The following XKR4 variants were observed in gnomAD, a reference collection of about 807,000 sequenced individuals.
XKR4 encodes the protein XK-related protein 4.
A neutral mutation model predicts 53.9 loss-of-function variants in XKR4; 12 were observed. That is an observed-to-expected ratio of 0.22 (90% confidence interval 0.14 to 0.36). The LOEUF (loss-of-function observed/expected upper bound fraction) is 0.36, where lower values mean the gene tolerates loss of function less well. Ranked by LOEUF, XKR4 falls within the 10% of genes least tolerant of loss-of-function variation. XKR4 has a pLI of 1.00. For synonymous variants in XKR4, 354 were observed against 362.4 expected, an observed-to-expected ratio of 0.98 and a Z score of 0.26; for missense variants, 799 against 859.5, an observed-to-expected ratio of 0.93 and a Z score of 0.88.
At chr8:55,181,960 T>A (rs1817315774) in intron 1 of XKR4, among the ~76,000 whole-genome samples, 1 of 152,202 alleles carries the variant, frequency 6.6e-6, no homozygotes, top group African/African-American at 2.4e-5. Context: ...ATTTTCAGCA[T>A]CTAAAAGTTA....
intron 1 of XKR4, among the ~76,000 whole-genome samples, chr8:55,298,856 G>C (rs1819138840): frequency 6.6e-6 from 1 of 152,144 alleles, no homozygotes; most frequent in South Asian, 2.1e-4. Flanking sequence ...TCGAGAATAG[G>C]TTGAATACAC....
chr8:55,452,905 G>T, intron 2 of XKR4: 2 of 796,202 alleles, frequency 2.5e-6, no homozygotes, highest in Admixed American at 3.5e-5. Context: ...TTGGTATAGT[G>T]GATGGCCTGG....
At chr8:55,430,508 T>C (rs1003610822) in intron 2 of XKR4, among the ~76,000 whole-genome samples, 1 of 152,056 alleles carries the variant, frequency 6.6e-6, no homozygotes, top group African/African-American at 2.4e-5. Context: ...TGCCAGAGGG[T>C]AAATATGGGG....
At chr8:55,157,460 GA>G (rs1816923160) in intron 1 of XKR4, among the ~76,000 whole-genome samples, 1 of 151,830 alleles carries the variant, frequency 6.6e-6, no homozygotes. Context: ...TGCAAGATGA[GA>G]AAAGCTTATA....
intron 2 of XKR4, among the ~76,000 whole-genome samples, chr8:55,364,762 A>T (rs945511393): frequency 6.6e-6 from 1 of 152,086 alleles, no homozygotes; most frequent in Admixed American, 6.6e-5. Flanking sequence ...CCTCCTGAGT[A>T]GCTGGAATTA....
intron 2 of XKR4, among the ~76,000 whole-genome samples, chr8:55,458,112 T>C (rs1383943254): frequency 2.0e-5 from 3 of 152,194 alleles, no homozygotes; most frequent in Non-Finnish European, 2.9e-5. Flanking sequence ...CATTTTTTCA[T>C]AGACATAGAC....
At chr8:55,103,603 C>T (rs1488988715) in intron 1 of XKR4, among the ~76,000 whole-genome samples, 4 of 151,948 alleles carry the variant, frequency 2.6e-5, no homozygotes, top group Non-Finnish European at 4.4e-5. Context: ...CCCGCTTCCC[C>T]ATTTTTAGTG....
chr8:55,312,274 C>T (rs943887404), intron 1 of XKR4, among the ~76,000 whole-genome samples: 3 of 151,960 alleles, frequency 2.0e-5, no homozygotes, highest in African/African-American at 7.2e-5. Context: ...GGTTACTAAA[C>T]CATTTCCTCA....
At chr8:55,507,852 G>C (rs559785544) in intron 2 of XKR4, among the ~76,000 whole-genome samples, 26 of 152,176 alleles carry the variant, frequency 1.7e-4, no homozygotes, top group Admixed American at 1.4e-3. Flanking sequence ...ATAATCCTTT[G>C]GGTATATACC....
chr8:55,218,843 T>C (rs978873747), intron 1 of XKR4, among the ~76,000 whole-genome samples: 1 of 152,214 alleles, frequency 6.6e-6, no homozygotes, highest in Non-Finnish European at 1.5e-5. Flanking sequence ...CTGCTCAGAA[T>C]CATTACTCGG....
In XKR4 at chr8:55,213,166, AC is replaced by A. The variant is rs536877691; in HGVS notation, c.806+109875del. ...AGCAAGTCCCAGCCTCATTTTCCTA[AC>A]CCTCAGTTAAGATGGAGTTGCTTTG... On this transcript the variant is annotated intron_variant, in intron 1 of 2. Transcript: ENST00000327381. 3.6e-3 allele frequency among the ~76,000 whole-genome samples: 542 copies of A among 152,264 alleles called. 2 individuals are homozygous for A. Among genetic ancestry groups the A allele is most frequent in the African/African-American group, 0.012 (515 of 41,554 alleles).
intron 2 of XKR4, chr8:55,454,337 G>A (rs1000664183): frequency 2.0e-6 from 3 of 1,503,626 alleles, no homozygotes; most frequent in Non-Finnish European, 2.8e-6. Flanking sequence ...TGTGCTGAGG[G>A]CCTCCAGCAG....
chr8:55,408,469 G>A (rs147761049), intron 2 of XKR4, among the ~76,000 whole-genome samples: 4 of 152,192 alleles, frequency 2.6e-5, no homozygotes, highest in Non-Finnish European at 4.4e-5. Context: ...CCAGGGAACC[G>A]CAGCAGGATG....
chr8:55,504,776 A>T (rs1806499034), intron 2 of XKR4, among the ~76,000 whole-genome samples: 1 of 152,028 alleles, frequency 6.6e-6, no homozygotes, highest in South Asian at 2.1e-4. Context: ...TTTATGATTC[A>T]GTCTTGGTAG....
intron 1 of XKR4, among the ~76,000 whole-genome samples, chr8:55,275,998 C>G (rs539607147): frequency 9.2e-5 from 14 of 152,286 alleles, no homozygotes; most frequent in African/African-American, 3.4e-4. Flanking sequence ...CATTTTGATG[C>G]CTTGTTTACA....
At chr8:55,438,590 G>GCAAAAAAAAAAA (rs1554525578) in intron 2 of XKR4, among the ~76,000 whole-genome samples, 1 of 100,406 alleles carries the variant, frequency 1.0e-5, no homozygotes. Context: ...ACTCCATCTT[G>GCAAAAAAAAAAA]AAAAAAAAAA....
At chr8:55,301,805 T>C (rs1392000972) in intron 1 of XKR4, among the ~76,000 whole-genome samples, 2 of 152,250 alleles carry the variant, frequency 1.3e-5, no homozygotes, top group Admixed American at 6.5e-5. Flanking sequence ...TTTTGAGAAG[T>C]GTCTGTTCAT....
intron 1 of XKR4, among the ~76,000 whole-genome samples, chr8:55,116,788 G>T (rs1328261076): frequency 6.6e-6 from 1 of 151,984 alleles, no homozygotes; most frequent in African/African-American, 2.4e-5. Context: ...TGATTTTTTG[G>T]TTCAGTGTTC....
rs186138055 is a variant in XKR4 at position 55,412,523 on chromosome 8, G to T, written c.1006+54646G>T. Among the ~76,000 whole-genome samples, 5 of 152,276 alleles carry T rather than the reference G, an allele frequency of 3.3e-5. No individual in the cohort carries two copies. The East Asian group carries it at 5.8e-4, about 18-fold the overall frequency. On this transcript the variant is annotated intron_variant, in intron 2 of 2. Coordinates refer to ENST00000327381, the MANE Select transcript of XKR4 (RefSeq NM_052898.2). Reference sequence around the variant, plus strand: ...CTTATTCCCAACATTTGCACCCGGCGCTGCGGTTTGCTTGATGCACACTGC... The same window carrying T: ...CTTATTCCCAACATTTGCACCCGGCTCTGCGGTTTGCTTGATGCACACTGC...
Sources: allele counts gnomAD v4.1 joint callset (sites outside exome capture counted in the v4.1 genomes callset), GRCh38; gene constraint gnomAD v4.1.1; transcripts MANE v1.5; gene names NCBI Gene and HGNC (gene_info 2026-07-23, HGNC 2026-07-21).